The following FHIT variants were observed in gnomAD, a reference collection of about 807,000 sequenced individuals.
FHIT encodes the protein fragile histidine triad diadenosine triphosphatase.
A neutral mutation model predicts 17.9 loss-of-function variants in FHIT; 19 were observed. The ratio of observed to expected loss-of-function variants is 1.06; its 90% CI spans 0.74 to 1.56. The LOEUF (loss-of-function observed/expected upper bound fraction) is 1.56, where lower values mean the gene tolerates loss of function less well. FHIT is among the 40% of genes most tolerant of loss of function. The pLI is 0.00. For synonymous variants in FHIT, 81 were observed against 69.7 expected (o/e 1.16, Z -0.81); for missense variants, 248 against 189.2 (o/e 1.31, Z -1.82).
At chr3:60,145,763 A>G (rs1288833353) in intron 5 of FHIT, among the ~76,000 whole-genome samples, 4 of 152,138 alleles carry the variant, frequency 2.6e-5, no homozygotes, top group Admixed American at 2.6e-4. Context: ...GACCATCTCT[A>G]CTATTAATTC....
At chr3:60,285,220 G>A (rs1439702986) in intron 5 of FHIT, among the ~76,000 whole-genome samples, 1 of 151,938 alleles carries the variant, frequency 6.6e-6, no homozygotes, top group Non-Finnish European at 1.5e-5. Flanking sequence ...TTAACCCTTA[G>A]AAAGTAGTAT....
At chr3:61,168,589 C>A (rs1024752605) in intron 2 of FHIT, among the ~76,000 whole-genome samples, 1 of 152,148 alleles carries the variant, frequency 6.6e-6, no homozygotes, top group African/African-American at 2.4e-5. Context: ...GTGTTCCCAC[C>A]AGCACTCTCA....
At chr3:60,460,092 T>C (rs1018627436) in intron 5 of FHIT, among the ~76,000 whole-genome samples, 2 of 152,208 alleles carry the variant, frequency 1.3e-5, no homozygotes, top group Admixed American at 6.5e-5. Flanking sequence ...CAGAAGTTCG[T>C]AACTGGCATA....
chr3:60,897,499 AT>A (rs1315480624), intron 3 of FHIT, among the ~76,000 whole-genome samples: 2 of 152,200 alleles, frequency 1.3e-5, no homozygotes, highest in African/African-American at 4.8e-5. Flanking sequence ...ACACAATCAG[AT>A]TTTACTACAT....
At chr3:60,354,704 T>C (rs1576525041) in intron 5 of FHIT, among the ~76,000 whole-genome samples, 1 of 152,298 alleles carries the variant, frequency 6.6e-6, no homozygotes, top group East Asian at 1.9e-4. Flanking sequence ...TGTCACCAAA[T>C]ATGGCTTCTC....
intron 6 of FHIT, among the ~76,000 whole-genome samples, chr3:60,012,263 G>GT (rs1416490274): frequency 1.3e-3 from 159 of 118,920 alleles, no homozygotes; most frequent in African/African-American, 5.2e-3. Flanking sequence ...TGTTTTTTTT[G>GT]TTGTTTTTTT....
intron 4 of FHIT, among the ~76,000 whole-genome samples, chr3:60,544,931 A>G (rs1231606685): frequency 6.6e-6 from 1 of 152,142 alleles, no homozygotes; most frequent in Admixed American, 6.5e-5. Flanking sequence ...GATTAAACAT[A>G]ATAGTTTGGT....
intron 8 of FHIT, among the ~76,000 whole-genome samples, chr3:59,869,518 G>A (rs552110665): frequency 2.0e-5 from 2 of 101,486 alleles, no homozygotes; most frequent in African/African-American, 7.3e-5. Flanking sequence ...GTCTCGCTCT[G>A]TCGCCCAGGC....
At chr3:60,953,145 T>A (rs1371872393) in intron 3 of FHIT, among the ~76,000 whole-genome samples, 1 of 152,198 alleles carries the variant, frequency 6.6e-6, no homozygotes, top group African/African-American at 2.4e-5. Context: ...TTAGCCATAG[T>A]TATTCGTAAC....
intron 4 of FHIT, among the ~76,000 whole-genome samples, chr3:60,711,199 C>T (rs1553705023): frequency 6.6e-6 from 1 of 152,148 alleles, no homozygotes; most frequent in Non-Finnish European, 1.5e-5. Flanking sequence ...TCCAACAGAC[C>T]TGCAGCTGAG....
At chr3:61,170,047 A>G (rs1308814846) in intron 2 of FHIT, among the ~76,000 whole-genome samples, 1 of 152,202 alleles carries the variant, frequency 6.6e-6, no homozygotes, top group African/African-American at 2.4e-5. Context: ...CCAGGCTAGA[A>G]AGATCAAATA....
chr3:59,759,633 G>C (rs1575610275), intron 8 of FHIT, among the ~76,000 whole-genome samples: 1 of 152,172 alleles, frequency 6.6e-6, no homozygotes, highest in Admixed American at 6.5e-5. Flanking sequence ...TTCCCGAGAA[G>C]CCTTCCTGGA....
chr3:59,872,867 G>C (rs1002979204), intron 8 of FHIT, among the ~76,000 whole-genome samples: 10 of 152,134 alleles, frequency 6.6e-5, no homozygotes, highest in African/African-American at 1.7e-4. Context: ...GCTCCAACTT[G>C]TACAGCCAGC....
intron 2 of FHIT, among the ~76,000 whole-genome samples, chr3:61,140,500 G>A (rs779848317): frequency 5.9e-5 from 9 of 152,148 alleles, no homozygotes; most frequent in South Asian, 2.1e-4. Flanking sequence ...ATCAAAGGGC[G>A]TGGGTAATCT....
At chr3:59,961,779 A>T (rs2107347686) in intron 7 of FHIT, among the ~76,000 whole-genome samples, 1 of 152,218 alleles carries the variant, frequency 6.6e-6, no homozygotes, top group Admixed American at 6.5e-5. Flanking sequence ...TGAGCCAGGT[A>T]CCTCAGTTGG....
intron 2 of FHIT, among the ~76,000 whole-genome samples, chr3:61,121,122 G>C (rs944612642): frequency 6.6e-6 from 1 of 152,042 alleles, no homozygotes; most frequent in African/African-American, 2.4e-5. Flanking sequence ...CAACTGATTG[G>C]TGTACCTGAA....
chr3:60,388,779 C>A (rs548529568), intron 5 of FHIT, among the ~76,000 whole-genome samples: 2 of 152,162 alleles, frequency 1.3e-5, no homozygotes, highest in African/African-American at 4.8e-5. Flanking sequence ...TCTTGTGTTC[C>A]AAGTTTCCAT....
intron 5 of FHIT, among the ~76,000 whole-genome samples, chr3:60,466,466 G>A (rs374745193): frequency 2.0e-5 from 3 of 152,006 alleles, no homozygotes; most frequent in African/African-American, 7.2e-5. Flanking sequence ...ATTGTAGGGA[G>A]AAAACCTTCA....
At chr3:60,755,650 C>A (rs2042556933) in intron 4 of FHIT, among the ~76,000 whole-genome samples, 2 of 152,020 alleles carry the variant, frequency 1.3e-5, no homozygotes, top group Non-Finnish European at 2.9e-5. Flanking sequence ...TTATAGGTAA[C>A]AAAAATAAAG....
Sources: gnomAD v4.1 joint callset for allele counts (sites outside exome capture counted in the v4.1 genomes callset) on GRCh38, gnomAD v4.1.1 for gene constraint, MANE v1.5 for transcripts, NCBI Gene and HGNC (gene_info 2026-07-23, HGNC 2026-07-21) for gene names.